Variants in RPS6KC1 observed in about 807,000 individuals in gnomAD.
RPS6KC1 encodes the protein ribosomal protein S6 kinase C1, also known as inactive ribosomal protein S6 kinase delta-1.
Under a neutral mutation model 103.8 loss-of-function variants are expected in RPS6KC1, and 54 were observed. The ratio of observed to expected loss-of-function variants is 0.52; its 90% CI spans 0.42 to 0.65. RPS6KC1 has a LOEUF of 0.65. RPS6KC1 is among the 30% of genes least tolerant of loss of function. The pLI is 0.00. For missense variants in RPS6KC1, 1,151 were observed against 1,253.8 expected, an observed-to-expected ratio of 0.92 and a Z score of 1.24; for synonymous variants, 439 against 438.7, an observed-to-expected ratio of 1.00 and a Z score of -0.01.
chr1:213,178,020 T>C (rs928437746), intron 8 of RPS6KC1, among the ~76,000 whole-genome samples: 2 of 150,616 alleles, frequency 1.3e-5, no homozygotes, highest in Non-Finnish European at 1.5e-5. Flanking sequence ...CTGGGCAACA[T>C]GGTGAGACCC....
chr1:213,381,306 C>A, the RPS6KC1 span, among the ~76,000 whole-genome samples: 2 of 152,108 alleles, frequency 1.3e-5, no homozygotes, highest in Non-Finnish European at 2.9e-5. Context: ...CTTTCCTCCT[C>A]GCTCCTTCTT....
the RPS6KC1 span, among the ~76,000 whole-genome samples, chr1:213,322,911 CTTTTTTTTTTTT>C: frequency 1.6e-4 from 6 of 36,672 alleles, no homozygotes; most frequent in Non-Finnish European, 2.8e-4. Context: ...CCATGCCCAG[CTTTTTTTTTTTT>C]TTTTTTTTTT....
chr1:213,654,147 C>A, the RPS6KC1 span, among the ~76,000 whole-genome samples: 207 of 152,358 alleles, frequency 1.4e-3, no homozygotes, highest in African/African-American at 4.6e-3. Context: ...AAGCTTCTGA[C>A]AGCTCCAAGT....
At chr1:213,154,069 A>T (rs1294681939) in intron 6 of RPS6KC1, among the ~76,000 whole-genome samples, 1 of 152,202 alleles carries the variant, frequency 6.6e-6, no homozygotes, top group African/African-American at 2.4e-5. Context: ...CTTGATTACC[A>T]GTCAGAGGCT....
chr1:213,077,805 GA>G lies in RPS6KC1; in HGVS notation c.253del (p.Ile85Ter), dbSNP rs1296602017. 1.9e-6 allele frequency: 3 copies of G among 1,546,296 alleles called. No homozygotes were observed. The highest frequency in any genetic ancestry group is 2.6e-6 in the Non-Finnish European group (3 of 1,141,782). On this transcript the variant is annotated frameshift_variant, in exon 3 of 15. Transcript: ENST00000366960. LOFTEE classifies it high-confidence loss of function. ...GAGTTGTTTCCTCCATTTGCTAAAGGAATAGTGTTTGGTAAGTGATTATTTT... is the reference window on the plus strand; with the variant it reads ...GAGTTGTTTCCTCCATTTGCTAAAGGATAGTGTTTGGTAAGTGATTATTTT... ...HSELFPPFAKGIVFGRFDETV... is the reference protein window; with the variant it reads ...HSELFPPFAKXIVFGRFDETV...
intron 3 of RPS6KC1, among the ~76,000 whole-genome samples, chr1:213,095,604 A>G (rs2081373935): frequency 6.6e-6 from 1 of 152,184 alleles, no homozygotes; most frequent in Non-Finnish European, 1.5e-5. Context: ...TCTTATATAT[A>G]TTATACACAC....
the RPS6KC1 span, among the ~76,000 whole-genome samples, chr1:213,538,681 G>A: frequency 1.3e-5 from 2 of 152,110 alleles, no homozygotes; most frequent in South Asian, 2.1e-4. Flanking sequence ...TTGAGGAGGG[G>A]CAGGAGGAAA....
chr1:213,464,037 A>G, the RPS6KC1 span, among the ~76,000 whole-genome samples: 1 of 152,238 alleles, frequency 6.6e-6, no homozygotes, highest in Non-Finnish European at 1.5e-5. Flanking sequence ...GTAAAAGCTC[A>G]TAGAATAAAG....
At chr1:213,585,551 A>G in the RPS6KC1 span, among the ~76,000 whole-genome samples, 1 of 152,182 alleles carries the variant, frequency 6.6e-6, no homozygotes, top group South Asian at 2.1e-4. Context: ...TGAAGTCCTG[A>G]TCCCAAGTGA....
At chr1:213,101,950 G>A (rs1184787115) in intron 3 of RPS6KC1, among the ~76,000 whole-genome samples, 1 of 152,070 alleles carries the variant, frequency 6.6e-6, no homozygotes, top group Non-Finnish European at 1.5e-5. Context: ...CAGAGAATTG[G>A]TTTTACCTAT....
the RPS6KC1 span, chr1:213,820,653 C>G: frequency 6.6e-6 from 1 of 152,100 alleles, no homozygotes; most frequent in East Asian, 1.9e-4. Context: ...GGAGAAGGCC[C>G]AGAAATACTC....
intron 3 of RPS6KC1, among the ~76,000 whole-genome samples, chr1:213,100,721 T>TA (rs1226096614): frequency 6.6e-6 from 1 of 152,234 alleles, no homozygotes; most frequent in Non-Finnish European, 1.5e-5. Context: ...TCACTTAGGA[T>TA]AATGGCCTCC....
chr1:213,554,605 C>A, the RPS6KC1 span, among the ~76,000 whole-genome samples: 1 of 152,184 alleles, frequency 6.6e-6, no homozygotes, highest in Non-Finnish European at 1.5e-5. Flanking sequence ...ACCTGGAATT[C>A]TCAGCAACCA....
chr1:213,413,119 T>C, the RPS6KC1 span, among the ~76,000 whole-genome samples: 2 of 152,360 alleles, frequency 1.3e-5, no homozygotes, highest in South Asian at 2.1e-4. Flanking sequence ...GTATTAGTTA[T>C]CTACTTTCGA....
At chr1:213,352,380 A>G in the RPS6KC1 span, among the ~76,000 whole-genome samples, 1 of 152,244 alleles carries the variant, frequency 6.6e-6, no homozygotes, top group East Asian at 1.9e-4. Context: ...ATTAATTGAA[A>G]CATGCAAATG....
chr1:213,739,775 G>A, the RPS6KC1 span, among the ~76,000 whole-genome samples: 1 of 152,138 alleles, frequency 6.6e-6, no homozygotes, highest in Admixed American at 6.6e-5. Context: ...CTGTACCCAG[G>A]CAAATCTTCA....
the RPS6KC1 span, among the ~76,000 whole-genome samples, chr1:213,440,575 T>G: frequency 7.3e-6 from 1 of 136,600 alleles, no homozygotes; most frequent in Non-Finnish European, 1.5e-5. Flanking sequence ...CAACTTTAGG[T>G]GTACATATTA....
the RPS6KC1 span, among the ~76,000 whole-genome samples, chr1:213,700,352 T>A: frequency 1.2e-4 from 18 of 152,150 alleles, no homozygotes; most frequent in African/African-American, 4.1e-4. Flanking sequence ...TGAAAATGAG[T>A]TTATGTGCAT....
At chr1:213,700,201 C>T in the RPS6KC1 span, among the ~76,000 whole-genome samples, 5 of 151,486 alleles carry the variant, frequency 3.3e-5, no homozygotes, top group East Asian at 1.9e-4. Flanking sequence ...TTAAGTCATT[C>T]GTTCATTTTT....
Sources: gnomAD v4.1 joint callset for allele counts (sites outside exome capture counted in the v4.1 genomes callset) on GRCh38, gnomAD v4.1.1 for gene constraint, MANE v1.5 for transcripts, NCBI Gene and HGNC (gene_info 2026-07-23, HGNC 2026-07-21) for gene names.